RNF19B: variants seen among roughly 807,000 people sequenced by gnomAD.
The protein encoded by RNF19B is E3 ubiquitin-protein ligase RNF19B.
RNF19B carries 23 observed loss-of-function variants against 65.5 expected under a neutral mutation model. That is an observed-to-expected ratio of 0.35 (90% confidence interval 0.25 to 0.50). The LOEUF (loss-of-function observed/expected upper bound fraction) is 0.50, where lower values mean the gene tolerates loss of function less well. RNF19B is among the 20% of genes least tolerant of loss of function. RNF19B has a pLI of 0.98. For missense variants in RNF19B, 794 were observed against 980.0 expected, an observed-to-expected ratio of 0.81 and a Z score of 2.53; for synonymous variants, 372 against 379.6, an observed-to-expected ratio of 0.98 and a Z score of 0.23.
the RNF19B span, among the ~76,000 whole-genome samples, chr1:32,929,686 G>C: frequency 6.6e-6 from 1 of 152,114 alleles, no homozygotes; most frequent in Non-Finnish European, 1.5e-5. Flanking sequence ...CTTTTTCAAG[G>C]GCTTCAGCTC....
chr1:32,938,158 AAAG>A (rs1642150787), intron 8 of RNF19B, among the ~76,000 whole-genome samples: 1 of 151,194 alleles, frequency 6.6e-6, no homozygotes, highest in Non-Finnish European at 1.5e-5. Flanking sequence ...AAAAAAAAAA[AAAG>A]AAAAAATACA....
At chr1:32,951,850 C>G (rs940768007) in intron 1 of RNF19B, among the ~76,000 whole-genome samples, 1 of 150,944 alleles carries the variant, frequency 6.6e-6, no homozygotes, top group Non-Finnish European at 1.5e-5. Context: ...CAGGATGGAG[C>G]GCAGTGGCGT....
At chr1:32,947,659 A>T (rs889783139) in intron 3 of RNF19B, among the ~76,000 whole-genome samples, 1 of 135,098 alleles carries the variant, frequency 7.4e-6, no homozygotes, top group South Asian at 2.3e-4. Flanking sequence ...ACTCTGTCTT[A>T]AAAAAAAAAA....
chr1:32,929,242 C>T, the RNF19B span, among the ~76,000 whole-genome samples: 1 of 152,280 alleles, frequency 6.6e-6, no homozygotes, highest in South Asian at 2.1e-4. Context: ...TGGTACTTAG[C>T]CTATGTGCAT....
At chr1:32,942,561 A>G in intron 6 of RNF19B, 102 bp from the exon 7 acceptor site, 2 of 918,104 alleles carry the variant, frequency 2.2e-6, no homozygotes, top group South Asian at 1.6e-5. Context: ...GTATTTACTT[A>G]ATGAACAGGT....
intron 1 of RNF19B, among the ~76,000 whole-genome samples, chr1:32,956,171 G>C (rs942098088): frequency 6.6e-6 from 1 of 151,696 alleles, no homozygotes; most frequent in Non-Finnish European, 1.5e-5. Flanking sequence ...TTCGAGACCA[G>C]CCTGGCCAAC....
At chr1:32,934,228 C>G (rs1250163678), downstream of RNF19B, among the ~76,000 whole-genome samples, 4 of 152,226 alleles carry the variant, frequency 2.6e-5, no homozygotes, top group African/African-American at 9.7e-5. Context: ...GTTGTCCAGA[C>G]TTGCCATCCT....
intron 1 of RNF19B, among the ~76,000 whole-genome samples, chr1:32,959,881 CAAAAA>C (rs35488614): frequency 1.1e-5 from 1 of 93,180 alleles, no homozygotes; most frequent in Non-Finnish European, 2.3e-5. Context: ...ACTAAAAATA[CAAAAA>C]AAAAAAAAAA....
intron 6 of RNF19B, among the ~76,000 whole-genome samples, chr1:32,942,993 T>C (rs1305672649): frequency 1.3e-5 from 2 of 150,928 alleles, no homozygotes; most frequent in Non-Finnish European, 3.0e-5. Context: ...ACAAAAAATT[T>C]AGCCGGGCGT....
chr1:32,943,814 T>C (rs905675154), intron 6 of RNF19B, among the ~76,000 whole-genome samples: 1 of 152,154 alleles, frequency 6.6e-6, no homozygotes, highest in Non-Finnish European at 1.5e-5. Flanking sequence ...TACTAGTTTG[T>C]ACCTGCCACA....
At chr1:32,961,490 C>G (rs1401514345) in intron 1 of RNF19B, among the ~76,000 whole-genome samples, 2 of 152,164 alleles carry the variant, frequency 1.3e-5, no homozygotes, top group African/African-American at 2.4e-5. Flanking sequence ...ACTTTAGTTT[C>G]CTCATTTATA....
At chr1:32,929,772 C>T in the RNF19B span, among the ~76,000 whole-genome samples, 4,243 of 152,168 alleles carry the variant, frequency 0.028, 206 homozygotes, top group African/African-American at 0.095. Flanking sequence ...ATTTGTTTTG[C>T]GTTCTATAAG....
intron 1 of RNF19B, among the ~76,000 whole-genome samples, chr1:32,953,541 G>C (rs1053369723): frequency 1.3e-5 from 2 of 152,020 alleles, no homozygotes; most frequent in African/African-American, 4.8e-5. Context: ...AAATGACAAT[G>C]TATCCCCTAT....
chr1:32,961,008 G>A (rs192235067), intron 1 of RNF19B, among the ~76,000 whole-genome samples: 1 of 132,736 alleles, frequency 7.5e-6, no homozygotes, highest in African/African-American at 2.9e-5. Context: ...AGAGCGAGAC[G>A]CTGTCTCAAA....
intron 5 of RNF19B, 30 bp downstream of exon 5, chr1:32,945,484 A>C: frequency 7.3e-7 from 1 of 1,374,088 alleles, no homozygotes. Context: ...GAAAGCTGAG[A>C]GAGAAGAGGT....
intron 7 of RNF19B, 88 bp from the exon 8 acceptor site, chr1:32,938,616 T>C (rs1642163686): frequency 1.5e-6 from 2 of 1,367,570 alleles, no homozygotes; most frequent in South Asian, 2.6e-5. Flanking sequence ...TCCATTACTC[T>C]CTTGCAAATT....
At chr1:32,951,151 T>C (rs1163210753) in intron 1 of RNF19B, among the ~76,000 whole-genome samples, 1 of 152,248 alleles carries the variant, frequency 6.6e-6, no homozygotes, top group African/African-American at 2.4e-5. Flanking sequence ...TCATTTTTTT[T>C]CTTCAAGTAA....
At position 32,944,000 on chromosome 1, in the gene RNF19B, T is replaced by C; in HGVS notation, c.1402+19A>G. The C allele has an allele frequency of 6.3e-7, 1 of 1,592,550 alleles. No homozygotes were observed. The highest frequency in any genetic ancestry group is 8.6e-7 in the Non-Finnish European group (1 of 1,166,472). ...TGTATATCATAAATTCAAATGGAAATAAACATCCTGCTTTTTACCTGTGAT... is the reference window on the plus strand; with the variant it reads ...TGTATATCATAAATTCAAATGGAAACAAACATCCTGCTTTTTACCTGTGAT... On this transcript the variant is annotated intron_variant, in intron 6 of 8. Transcript: ENST00000235150.
intron 5 of RNF19B, among the ~76,000 whole-genome samples, chr1:32,944,449 T>A (rs1642317440): frequency 1.3e-5 from 2 of 152,224 alleles, no homozygotes; most frequent in Admixed American, 6.5e-5. Context: ...AGTAAATATA[T>A]GTTGCTTTCA....
Sources: allele counts gnomAD v4.1 joint callset (sites outside exome capture counted in the v4.1 genomes callset), GRCh38; gene constraint gnomAD v4.1.1; transcripts MANE v1.5; gene names NCBI Gene and HGNC (gene_info 2026-07-23, HGNC 2026-07-21).